The following TENM3 variants were observed in gnomAD, a reference collection of about 807,000 sequenced individuals.
The protein encoded by TENM3 is teneurin transmembrane protein 3.
Under a neutral mutation model 255.1 loss-of-function variants are expected in TENM3, and 63 were observed. That is an observed-to-expected ratio of 0.25 (90% CI 0.20 to 0.30). TENM3 has a LOEUF of 0.30. Among genes scored for constraint, TENM3 ranks in the 10% least tolerant of loss-of-function variants. TENM3 has a pLI of 1.00. For missense variants in TENM3, 2,929 were observed against 3,461.1 expected (o/e 0.85, Z 3.86); for synonymous variants, 1,306 against 1,322.3 (o/e 0.99, Z 0.27).
At chr4:181,652,585 C>G in the TENM3 span, among the ~76,000 whole-genome samples, 1 of 152,208 alleles carries the variant, frequency 6.6e-6, no homozygotes. Flanking sequence ...CTGCACCTTT[C>G]CAGCATTGTC....
At chr4:181,644,896 A>T in the TENM3 span, among the ~76,000 whole-genome samples, 1 of 152,114 alleles carries the variant, frequency 6.6e-6, no homozygotes, top group Admixed American at 6.6e-5. Context: ...TTGAACAGCC[A>T]AATAAAAATG....
rs540712187 is a variant in TENM3 at position 182,714,888 on chromosome 4, G to T, written c.2368+655G>T. Among the ~76,000 whole-genome samples, 5 of 152,178 alleles carry T rather than the reference G, an allele frequency of 3.3e-5. No homozygotes were observed. In the South Asian group the frequency reaches 1.0e-3, roughly 32 times the overall value. On this transcript the variant is annotated intron_variant, in intron 13 of 27. Coordinates refer to ENST00000511685, the MANE Select transcript of TENM3 (RefSeq NM_001080477.4). ...TTGGCCCTGATAGCTGTTTTGTTTT[G>T]TTTTTTGTTTTTTGAGATAGAGTTT...
At chr4:182,665,469 T>C (rs963391804) in intron 6 of TENM3, among the ~76,000 whole-genome samples, 1 of 152,178 alleles carries the variant, frequency 6.6e-6, no homozygotes, top group Admixed American at 6.5e-5. Context: ...CTGCAGCCCA[T>C]GGATCAAGGA....
At chr4:182,467,359 A>T (rs897158715) in intron 3 of TENM3, among the ~76,000 whole-genome samples, 2 of 152,232 alleles carry the variant, frequency 1.3e-5, no homozygotes, top group Non-Finnish European at 2.9e-5. Flanking sequence ...TTTGAAAATT[A>T]TCTTTGGCTT....
At chr4:181,514,598 C>A in the TENM3 span, among the ~76,000 whole-genome samples, 1 of 152,104 alleles carries the variant, frequency 6.6e-6, no homozygotes, top group Non-Finnish European at 1.5e-5. Flanking sequence ...AAGCAATGAG[C>A]CTTGTTGAGG....
At chr4:182,651,775 T>A (rs1753327542) in intron 5 of TENM3, among the ~76,000 whole-genome samples, 1 of 152,164 alleles carries the variant, frequency 6.6e-6, no homozygotes, top group South Asian at 2.1e-4. Context: ...ACTATATACA[T>A]TTATTTAAAA....
chr4:181,939,562 A>C, the TENM3 span, among the ~76,000 whole-genome samples: 1 of 152,370 alleles, frequency 6.6e-6, no homozygotes, highest in South Asian at 2.1e-4. Flanking sequence ...GTGCCCTAAA[A>C]GCAAAACAAA....
chr4:182,014,772 C>A, the TENM3 span, among the ~76,000 whole-genome samples: 1 of 152,054 alleles, frequency 6.6e-6, no homozygotes, highest in African/African-American at 2.4e-5. Context: ...GTACCAGGGG[C>A]GGCAGAGTCT....
chr4:181,888,494 G>GTACATATATATA, the TENM3 span, among the ~76,000 whole-genome samples: 20 of 28,242 alleles, frequency 7.1e-4, no homozygotes, highest in Admixed American at 2.0e-3. Context: ...ATAGAAATGT[G>GTACATATATATA]TATATATATA....
At chr4:182,321,189 T>C (rs1763026287) in intron 1 of TENM3, among the ~76,000 whole-genome samples, 1 of 152,210 alleles carries the variant, frequency 6.6e-6, no homozygotes, top group Non-Finnish European at 1.5e-5. Flanking sequence ...GAGACATATT[T>C]ATTCACTCTG....
chr4:182,045,778 G>A, the TENM3 span, among the ~76,000 whole-genome samples: 1 of 152,236 alleles, frequency 6.6e-6, no homozygotes, highest in Non-Finnish European at 1.5e-5. Context: ...GCCGGGCACA[G>A]TGGCTCATGC....
chr4:181,556,619 AT>A, the TENM3 span, among the ~76,000 whole-genome samples: 1 of 152,158 alleles, frequency 6.6e-6, no homozygotes, highest in African/African-American at 2.4e-5. Context: ...ATGATTTAGT[AT>A]ATAAAGATAA....
chr4:182,554,220 G>T (rs902437707), intron 3 of TENM3, among the ~76,000 whole-genome samples: 1 of 151,774 alleles, frequency 6.6e-6, no homozygotes, highest in Non-Finnish European at 1.5e-5. Context: ...CTTTTCTTTC[G>T]TGTTTTTATT....
At chr4:182,653,933 C>T in intron 6 of TENM3, 40 bp downstream of exon 6, 1 of 1,550,162 alleles carries the variant, frequency 6.5e-7, no homozygotes, top group Non-Finnish European at 8.7e-7. Context: ...TCTCTTTTAA[C>T]ATCCCTTTTC....
the TENM3 span, among the ~76,000 whole-genome samples, chr4:181,945,176 G>C: frequency 1.3e-5 from 2 of 151,990 alleles, no homozygotes; most frequent in Non-Finnish European, 2.9e-5. Flanking sequence ...GTAGGGCTTT[G>C]GAAAGATGTA....
the TENM3 span, among the ~76,000 whole-genome samples, chr4:181,503,841 C>T: frequency 6.6e-6 from 1 of 152,208 alleles, no homozygotes; most frequent in Non-Finnish European, 1.5e-5. Context: ...ACCACAGTAG[C>T]TGCATTCGCT....
chr4:181,669,869 T>A, the TENM3 span, among the ~76,000 whole-genome samples: 1 of 152,140 alleles, frequency 6.6e-6, no homozygotes, highest in Non-Finnish European at 1.5e-5. Context: ...TCGGTGTGTA[T>A]CAGCCTGCTG....
the TENM3 span, among the ~76,000 whole-genome samples, chr4:181,632,904 A>G: frequency 6.6e-6 from 1 of 152,228 alleles, no homozygotes; most frequent in Non-Finnish European, 1.5e-5. Context: ...TAGTAGTCCT[A>G]TAACCAATTA....
the TENM3 span, among the ~76,000 whole-genome samples, chr4:181,487,216 G>A: frequency 3.9e-5 from 6 of 152,080 alleles, no homozygotes; most frequent in Admixed American, 1.3e-4. Flanking sequence ...GATCCAACAC[G>A]CTTGTTTTAG....
Sources: allele counts gnomAD v4.1 joint callset (sites outside exome capture counted in the v4.1 genomes callset), GRCh38; gene constraint gnomAD v4.1.1; transcripts MANE v1.5; gene names NCBI Gene and HGNC (gene_info 2026-07-23, HGNC 2026-07-21).